Variants in ADAMDEC1 observed in about 807,000 individuals in gnomAD.
ADAMDEC1 encodes ADAM DEC1.
ADAMDEC1 carries 62 observed loss-of-function variants against 60.4 expected under a neutral mutation model. That is an observed-to-expected ratio of 1.03 (90% CI 0.84 to 1.27). ADAMDEC1 has a LOEUF of 1.27. ADAMDEC1 is among the 50% of genes most tolerant of loss of function. ADAMDEC1 has a pLI of 0.00. For missense variants in ADAMDEC1, 595 were observed against 565.0 expected (o/e 1.05, Z -0.54); for synonymous variants, 210 against 195.1 (o/e 1.08, Z -0.64).
At chr8:24,399,189 G>T (rs1817695892) in intron 9 of ADAMDEC1, 149 bp downstream of exon 9, 2 of 1,034,952 alleles carry the variant, frequency 1.9e-6, no homozygotes, top group African/African-American at 3.2e-5. Flanking sequence ...TGACATTATT[G>T]GATCAATAAT....
At chr8:24,389,884 T>G (rs1214778500) in intron 1 of ADAMDEC1, among the ~76,000 whole-genome samples, 1 of 152,212 alleles carries the variant, frequency 6.6e-6, no homozygotes, top group African/African-American at 2.4e-5. Context: ...ATCATCTTGA[T>G]GTGACTATCA....
At chr8:24,387,524 C>T in intron 1 of ADAMDEC1, 1 of 152,106 alleles carries the variant, frequency 6.6e-6, no homozygotes, top group East Asian at 1.9e-4. Context: ...TCCCAGAGCT[C>T]TAGGTTTGGC....
At chr8:24,390,247 G>C (rs1465057445) in intron 1 of ADAMDEC1, 5 of 1,036,184 alleles carry the variant, frequency 4.8e-6, no homozygotes, top group Middle Eastern at 2.6e-4. Flanking sequence ...AGAAAAGAAT[G>C]TAATACGTTT....
intron 11 of ADAMDEC1, 64 bp from the exon 12 acceptor site, chr8:24,401,851 C>G: frequency 7.9e-7 from 1 of 1,272,726 alleles, no homozygotes; most frequent in Non-Finnish European, 1.1e-6. Flanking sequence ...TATCTTTATT[C>G]TGTGTTTCAC....
chr8:24,400,501 G>A (rs1817735844), intron 11 of ADAMDEC1, among the ~76,000 whole-genome samples: 1 of 151,968 alleles, frequency 6.6e-6, no homozygotes, highest in Admixed American at 6.6e-5. Flanking sequence ...AAAACGTGTA[G>A]GGTAACATAT....
At position 24,394,091 on chromosome 8, in the gene ADAMDEC1, A is replaced by C; in HGVS notation, c.307A>C (p.Thr103Pro). 6.2e-7 allele frequency: 1 copy of C among 1,613,358 alleles called. No homozygotes were observed. Among genetic ancestry groups the C allele is most frequent in the Non-Finnish European group, 8.5e-7 (1 of 1,179,464 alleles). The change falls in exon 4 of 14, where the codon ACT (threonine) becomes CCT (proline). Residue 103 changes from threonine (T) to proline (P), a missense_variant. Coordinates refer to ENST00000256412, the MANE Select transcript of ADAMDEC1 (RefSeq NM_014479.3). ...CAGGCACCTCCTGGGGCCAGACTACACTGAAACATTGTACTCACCCAGAGG... is the reference window on the plus strand; with the variant it reads ...CAGGCACCTCCTGGGGCCAGACTACCCTGAAACATTGTACTCACCCAGAGG... ...KTKHLLGPDY[T>P]ETLYSPRGEE...
chr8:24,396,428 C>A (rs1330736214), intron 5 of ADAMDEC1, among the ~76,000 whole-genome samples: 1 of 152,094 alleles, frequency 6.6e-6, no homozygotes, highest in Non-Finnish European at 1.5e-5. Flanking sequence ...AGGAGAATGG[C>A]ATGAACCCAG....
In ADAMDEC1 at chr8:24,397,715, T is replaced by C. The variant is rs1253866501; in HGVS notation, c.660T>C (p.Ile220=). ...KEDFLRAQKY[I]DLYLVLDNAF... ...ACTTTCTTCGGGCACAGAAATACAT[T>C]GATCTCTATTTGGTGCTGGATAATG... Residue 220 remains isoleucine, a synonymous_variant, in exon 7 of 14, where the codon ATT becomes ATC. Coordinates refer to ENST00000256412, the MANE Select transcript of ADAMDEC1 (RefSeq NM_014479.3). The C allele has an allele frequency of 6.2e-7, 1 of 1,613,556 alleles. No individual in the cohort carries two copies. Among genetic ancestry groups the C allele is most frequent in the Non-Finnish European group, 8.5e-7 (1 of 1,179,758 alleles).
chr8:24,395,665 C>CACAT, intron 4 of ADAMDEC1, 55 bp from the exon 5 acceptor site: 1 of 1,151,220 alleles, frequency 8.7e-7, no homozygotes, highest in East Asian at 2.5e-5. Context: ...CACACACACT[C>CACAT]ACATACACAC....
chr8:24,391,868 G>T (rs913946481), intron 1 of ADAMDEC1, among the ~76,000 whole-genome samples: 1 of 152,074 alleles, frequency 6.6e-6, no homozygotes, highest in African/African-American at 2.4e-5. Context: ...GGCATAGAGA[G>T]AAAAATTCAC....
intron 1 of ADAMDEC1, 56 bp from the exon 2 acceptor site, chr8:24,392,206 C>T (rs1563353273): frequency 2.2e-6 from 3 of 1,350,880 alleles, no homozygotes; most frequent in Non-Finnish European, 3.1e-6. Flanking sequence ...AAACACAACA[C>T]GACTAAAACC....
intron 2 of ADAMDEC1, among the ~76,000 whole-genome samples, chr8:24,392,886 GTTTTT>G (rs34415946): frequency 6.0e-5 from 3 of 50,364 alleles, no homozygotes; most frequent in Admixed American, 2.3e-4. Context: ...GGGTTGAGAG[GTTTTT>G]TTTTTTTTTT....
At chr8:24,393,232 A>G in intron 2 of ADAMDEC1, 30 bp from the exon 3 acceptor site, 1 of 1,372,262 alleles carries the variant, frequency 7.3e-7, no homozygotes, top group Non-Finnish European at 1.0e-6. Flanking sequence ...TCAGAAATAT[A>G]AATTGCTTGA....
chr8:24,391,002 C>A (rs149266361), intron 1 of ADAMDEC1, among the ~76,000 whole-genome samples: 1 of 152,078 alleles, frequency 6.6e-6, no homozygotes, highest in African/African-American at 2.4e-5. Context: ...TCATTCCAAG[C>A]GCATGGCTTT....
intron 11 of ADAMDEC1, among the ~76,000 whole-genome samples, chr8:24,401,656 C>T (rs1336624000): frequency 2.0e-5 from 3 of 152,058 alleles, no homozygotes; most frequent in Non-Finnish European, 4.4e-5. Flanking sequence ...TAAATGGCCA[C>T]ATGGAAATTG....
At chr8:24,404,416 A>C (rs558433674) in intron 13 of ADAMDEC1, among the ~76,000 whole-genome samples, 2 of 152,324 alleles carry the variant, frequency 1.3e-5, no homozygotes, top group African/African-American at 4.8e-5. Flanking sequence ...AAACAGCCTC[A>C]GTTGATGAGC....
At chr8:24,398,374 T>C (rs1276618905) in intron 7 of ADAMDEC1, 106 bp from the exon 8 acceptor site, 2 of 678,296 alleles carry the variant, frequency 2.9e-6, no homozygotes, top group African/African-American at 1.9e-5. Context: ...TAGATGTTAA[T>C]TGTAGTGAAA....
chr8:24,396,437 A>G (rs562251142), intron 5 of ADAMDEC1, among the ~76,000 whole-genome samples: 2 of 152,286 alleles, frequency 1.3e-5, no homozygotes, highest in East Asian at 1.9e-4. Flanking sequence ...GCATGAACCC[A>G]GGAGGCGGAG....
chr8:24,405,405 G>A lies in ADAMDEC1; in HGVS notation c.*107G>A, dbSNP rs1436921035. 15 of 1,271,252 alleles carry A rather than the reference G, an allele frequency of 1.2e-5. No homozygotes were observed. In the Admixed American group the frequency reaches 2.1e-4, roughly 18 times the overall value. 78.7% of individuals were successfully genotyped at this position (1,271,252 alleles called of 1,614,324 possible). A position where few individuals can be genotyped will look rare whatever the true frequency, so the allele number is the denominator to read the frequency against. On this transcript the variant is annotated 3_prime_UTR_variant, in exon 14 of 14. Coordinates refer to ENST00000256412, the MANE Select transcript of ADAMDEC1 (RefSeq NM_014479.3). The stretch of plus-strand genomic sequence containing the variant: ...TTTCACCCATAATGGTCTTTCACTT[G>A]TCATTCTACTTTCTATATTGTTATC...
Sources: gnomAD v4.1 joint callset for allele counts (sites outside exome capture counted in the v4.1 genomes callset) on GRCh38, gnomAD v4.1.1 for gene constraint, MANE v1.5 for transcripts, NCBI Gene and HGNC (gene_info 2026-07-23, HGNC 2026-07-21) for gene names.